Variants in PCDH15 observed in about 807,000 individuals in gnomAD.
PCDH15 encodes protocadherin related 15, also known as protocadherin-15.
Under a neutral mutation model 178.5 loss-of-function variants are expected in PCDH15, and 129 were observed. That is an observed-to-expected ratio of 0.72 (90% CI 0.63 to 0.84). The LOEUF is 0.84. Ranked by LOEUF, PCDH15 falls within the 40% of genes least tolerant of loss-of-function variation. The pLI, the probability that PCDH15 is intolerant of heterozygous loss-of-function variation, is 0.00. For missense variants in PCDH15, 2,230 were observed against 2,099.9 expected (o/e 1.06, Z -1.21); for synonymous variants, 800 against 732.0 (o/e 1.09, Z -1.50).
chr10:55,008,778 A>C (rs1278238486), intron 2 of PCDH15, among the ~76,000 whole-genome samples: 2 of 152,170 alleles, frequency 1.3e-5, no homozygotes, highest in Non-Finnish European at 2.9e-5. Context: ...TGATTAGTCA[A>C]ATAATTTATG....
intron 23 of PCDH15, among the ~76,000 whole-genome samples, chr10:53,946,287 ACT>A (rs1454771696): frequency 1.3e-5 from 2 of 152,148 alleles, no homozygotes; most frequent in African/African-American, 4.8e-5. Flanking sequence ...ACATAGTGAC[ACT>A]GTGTGCTATC....
rs1948751990 is a variant in PCDH15 at position 54,768,487 on chromosome 10, GATC to G, written c.-29+32435_-29+32437del. 6.6e-5 allele frequency among the ~76,000 whole-genome samples: 10 copies of G among 152,174 alleles called. 1 individual carries two copies. The South Asian group carries it at 2.1e-3, about 32-fold the overall frequency. On this transcript the variant is annotated intron_variant, in intron 1 of 37. Coordinates refer to ENST00000644397, the MANE Select transcript of PCDH15 (RefSeq NM_001384140.1). ...ATTTAGGAACATAGTTCAAGGCTGG[GATC>G]ATATTCTATGTAGTTCATATTCTCA...
intron 2 of PCDH15, among the ~76,000 whole-genome samples, chr10:55,004,077 C>T (rs1016101707): frequency 6.6e-6 from 1 of 152,088 alleles, no homozygotes; most frequent in Non-Finnish European, 1.5e-5. Context: ...GTAATCAGGC[C>T]AAGTGTAATG....
intron 1 of PCDH15, among the ~76,000 whole-genome samples, chr10:55,222,814 G>A (rs1259730383): frequency 2.0e-5 from 3 of 147,822 alleles, no homozygotes; most frequent in Non-Finnish European, 4.5e-5. Context: ...GTTTTCCCAT[G>A]GTGATTTAAG....
intron 3 of PCDH15, among the ~76,000 whole-genome samples, chr10:54,515,151 G>A (rs184806565): frequency 1.6e-4 from 24 of 152,332 alleles, no homozygotes; most frequent in Non-Finnish European, 2.9e-4. Flanking sequence ...GCAGCGCACC[G>A]TGCACCAGCC....
chr10:54,069,138 T>C (rs2135837832), intron 17 of PCDH15, among the ~76,000 whole-genome samples: 1 of 152,252 alleles, frequency 6.6e-6, no homozygotes, highest in South Asian at 2.1e-4. Context: ...AGTTCCCAAT[T>C]TGCCTGAGGG....
intron 2 of PCDH15, among the ~76,000 whole-genome samples, chr10:55,418,217 C>T (rs1290363340): frequency 6.6e-6 from 1 of 151,534 alleles, no homozygotes; most frequent in African/African-American, 2.4e-5. Context: ...CATTTATAGC[C>T]AACCTATGAA....
rs145664897 is a variant in PCDH15 at position 54,633,245 on chromosome 10, G to C, written c.91+30927C>G. On this transcript the variant is annotated intron_variant, in intron 2 of 37. Transcript: ENST00000644397. ...TCAGGGAGCAAATTAAAGAGTAAAGGGGCATCCACTGGAGATTTTCTTCTG... is the reference window on the plus strand; with the variant it reads ...TCAGGGAGCAAATTAAAGAGTAAAGCGGCATCCACTGGAGATTTTCTTCTG... Among the ~76,000 whole-genome samples the C allele has an allele frequency of 1.3e-3, 195 of 152,084 alleles. 1 individual carries two copies. The East Asian group carries it at 0.018, about 14-fold the overall frequency.
chr10:54,965,718 T>C (rs1374050025), intron 2 of PCDH15, among the ~76,000 whole-genome samples: 1 of 150,542 alleles, frequency 6.6e-6, no homozygotes, highest in African/African-American at 2.4e-5. Flanking sequence ...ACATTTAATT[T>C]GAAACATTTC....
At chr10:54,960,948 CA>C (rs1838630167) in intron 2 of PCDH15, among the ~76,000 whole-genome samples, 1 of 152,074 alleles carries the variant, frequency 6.6e-6, no homozygotes. Context: ...AGGCCAATCA[CA>C]AGGAAATTAA....
chr10:54,469,073 G>A (rs2077718484), intron 3 of PCDH15, among the ~76,000 whole-genome samples: 1 of 152,068 alleles, frequency 6.6e-6, no homozygotes, highest in African/African-American at 2.4e-5. Context: ...GCATATGGTT[G>A]AGACTTTGTA....
intron 3 of PCDH15, among the ~76,000 whole-genome samples, chr10:54,476,865 T>A (rs1358687562): frequency 6.6e-6 from 1 of 152,148 alleles, no homozygotes; most frequent in Non-Finnish European, 1.5e-5. Context: ...TTCTCTCCTA[T>A]CTTCAATTTG....
intron 13 of PCDH15, among the ~76,000 whole-genome samples, chr10:54,162,804 T>A (rs1341199381): frequency 6.6e-6 from 1 of 152,172 alleles, no homozygotes; most frequent in Non-Finnish European, 1.5e-5. Context: ...TGAGTTAAAT[T>A]CTAACTTTGA....
chr10:54,855,638 C>A (rs538993074), intron 3 of PCDH15, among the ~76,000 whole-genome samples: 6 of 152,242 alleles, frequency 3.9e-5, no homozygotes, highest in South Asian at 4.2e-4. Flanking sequence ...TATTGCAAAT[C>A]ATTAGTCCTG....
intron 3 of PCDH15, among the ~76,000 whole-genome samples, chr10:54,457,004 T>G (rs2076867238): frequency 6.6e-6 from 1 of 152,142 alleles, no homozygotes; most frequent in Admixed American, 6.6e-5. Flanking sequence ...CTTTATAAAC[T>G]ACCCAGTCAC....
intron 2 of PCDH15, among the ~76,000 whole-genome samples, chr10:54,637,896 C>A (rs1284201918): frequency 6.6e-6 from 1 of 151,976 alleles, no homozygotes; most frequent in African/African-American, 2.4e-5. Context: ...ACAGCATGAG[C>A]AATATTAAAT....
chr10:55,502,469 T>C (rs1409705984), intron 2 of PCDH15, among the ~76,000 whole-genome samples: 1 of 151,752 alleles, frequency 6.6e-6, no homozygotes. Context: ...ATCTCCATCA[T>C]AACCTGGATG....
intron 2 of PCDH15, among the ~76,000 whole-genome samples, chr10:55,377,924 G>A (rs1180717152): frequency 6.6e-6 from 1 of 152,000 alleles, no homozygotes; most frequent in African/African-American, 2.4e-5. Flanking sequence ...AGATGAAGCT[G>A]GAAACCATCA....
chr10:54,656,654 T>A (rs982433136), intron 2 of PCDH15, among the ~76,000 whole-genome samples: 16 of 152,116 alleles, frequency 1.1e-4, no homozygotes, highest in African/African-American at 3.9e-4. Flanking sequence ...TGCTCTGACA[T>A]CCACAATCAA....
Sources: gnomAD v4.1 joint callset for allele counts (sites outside exome capture counted in the v4.1 genomes callset) on GRCh38, gnomAD v4.1.1 for gene constraint, MANE v1.5 for transcripts, NCBI Gene and HGNC (gene_info 2026-07-23, HGNC 2026-07-21) for gene names.